RIMS2: variants seen among roughly 807,000 people sequenced by gnomAD.
The protein encoded by RIMS2 is regulating synaptic membrane exocytosis protein 2.
A neutral mutation model predicts 174.4 loss-of-function variants in RIMS2; 59 were observed. The observed-to-expected ratio is 0.34, with a 90% CI of 0.27 to 0.42. The LOEUF (loss-of-function observed/expected upper bound fraction) is 0.42, where lower values mean the gene tolerates loss of function less well. Ranked by LOEUF, RIMS2 falls within the 10% of genes least tolerant of loss-of-function variation. The pLI, the probability that RIMS2 is intolerant of heterozygous loss-of-function variation, is 1.00. For synonymous variants in RIMS2, 606 were observed against 572.5 expected (o/e 1.06, Z -0.84); for missense variants, 1,620 against 1,666.3 (o/e 0.97, Z 0.48).
chr8:104,026,711 T>G (rs1156382037), intron 19 of RIMS2, among the ~76,000 whole-genome samples: 1 of 152,172 alleles, frequency 6.6e-6, no homozygotes, highest in African/African-American at 2.4e-5. Flanking sequence ...GTGATAGTTA[T>G]TTTGACAGTC....
intron 1 of RIMS2, among the ~76,000 whole-genome samples, chr8:103,663,311 AAGGGTATTC>A (rs1414450719): frequency 3.3e-5 from 5 of 152,214 alleles, no homozygotes; most frequent in Non-Finnish European, 7.3e-5. Context: ...AATAGAAATA[AAGGGTATTC>A]AGTTAGGAAA....
At chr8:103,660,485 T>C (rs2096585476) in intron 1 of RIMS2, among the ~76,000 whole-genome samples, 2 of 152,202 alleles carry the variant, frequency 1.3e-5, no homozygotes, top group South Asian at 4.1e-4. Context: ...CCTCAGGGCC[T>C]CAGCCAGCCC....
chr8:103,850,348 A>G (rs1032222973), intron 3 of RIMS2, among the ~76,000 whole-genome samples: 2 of 152,042 alleles, frequency 1.3e-5, no homozygotes, highest in African/African-American at 4.8e-5. Flanking sequence ...AAAATATAAT[A>G]TATACTTGGT....
At chr8:103,544,401 C>T (rs1291043190) in intron 1 of RIMS2, among the ~76,000 whole-genome samples, 2 of 152,164 alleles carry the variant, frequency 1.3e-5, no homozygotes, top group East Asian at 1.9e-4. Context: ...GCCCCACCCA[C>T]CTCCACTGCT....
At chr8:104,025,392 G>A (rs1463664874) in intron 19 of RIMS2, among the ~76,000 whole-genome samples, 1 of 152,074 alleles carries the variant, frequency 6.6e-6, no homozygotes, top group Non-Finnish European at 1.5e-5. Flanking sequence ...GGAGCTTGAG[G>A]CAGGAAGATC....
Position 103,761,884 on chromosome 8 carries a change from C to G in RIMS2, c.388-4343C>G, listed in dbSNP as rs927798171. ...GGATCATAGGAGCTTGGCCTATGGT[C>G]TCGTTAGTGTAAGTCTTTAAACTAT... is the stretch of plus-strand genomic sequence containing the variant. On this transcript the variant is annotated intron_variant, in intron 2 of 23. Transcript: ENST00000504942. 1.3e-4 allele frequency among the ~76,000 whole-genome samples: 20 copies of G among 152,114 alleles called. No individual in the cohort carries two copies. The East Asian group carries it at 3.7e-3, about 28-fold the overall frequency.
At chr8:104,187,079 A>G (rs1368032523) in intron 19 of RIMS2, among the ~76,000 whole-genome samples, 1 of 151,824 alleles carries the variant, frequency 6.6e-6, no homozygotes, top group Non-Finnish European at 1.5e-5. Flanking sequence ...TCAAATCTCA[A>G]GTTATATGAT....
At position 103,583,602 on chromosome 8, in the gene RIMS2, TAAAAAGAATC is replaced by T. The variant is rs2093737906; in HGVS notation, c.176+82543_176+82552del. On this transcript the variant is annotated intron_variant, in intron 1 of 23. Transcript: ENST00000504942. ...TAAATTTAACAGAGATTGCAATAAT[TAAAAAGAATC>T]AAGACTCTGAAGAATGTAACAGAGT... is the stretch of plus-strand genomic sequence containing the variant. Among the ~76,000 whole-genome samples the T allele has an allele frequency of 3.9e-5, 6 of 152,186 alleles. No individual in the cohort carries two copies. The South Asian group carries it at 1.2e-3, about 32-fold the overall frequency.
chr8:104,191,100 T>C (rs538924033), intron 19 of RIMS2, among the ~76,000 whole-genome samples: 13 of 152,214 alleles, frequency 8.5e-5, no homozygotes, highest in African/African-American at 2.9e-4. Flanking sequence ...GTCTCTCTTT[T>C]AGCAGGATCT....
chr8:103,856,197 A>G (rs1209607270), intron 3 of RIMS2, among the ~76,000 whole-genome samples: 16 of 152,034 alleles, frequency 1.1e-4, no homozygotes, highest in Admixed American at 1.0e-3. Context: ...GTTATCTGAT[A>G]TAGGATAGCA....
chr8:104,052,422 G>A (rs1183427332), intron 19 of RIMS2, among the ~76,000 whole-genome samples: 1 of 152,120 alleles, frequency 6.6e-6, no homozygotes, highest in East Asian at 1.9e-4. Flanking sequence ...GCATGGTCAT[G>A]GGTGGGGTTA....
At chr8:104,223,669 G>A (rs2099167517) in intron 19 of RIMS2, 1 of 1,589,508 alleles carries the variant, frequency 6.3e-7, no homozygotes, top group Non-Finnish European at 8.5e-7. Context: ...GGCAGGGCTT[G>A]GGGGGTGCCA....
At chr8:103,808,717 C>G (rs2098666981) in intron 3 of RIMS2, among the ~76,000 whole-genome samples, 1 of 152,140 alleles carries the variant, frequency 6.6e-6, no homozygotes, top group Admixed American at 6.6e-5. Context: ...TTGACTGTGA[C>G]CAATCAACGA....
intron 19 of RIMS2, among the ~76,000 whole-genome samples, chr8:104,171,981 CTTG>C (rs1246407930): frequency 6.6e-6 from 1 of 152,048 alleles, no homozygotes; most frequent in Non-Finnish European, 1.5e-5. Context: ...TAGTTTGGTA[CTTG>C]TTGTGTGGGC....
chr8:103,933,567 C>T (rs1302885770), intron 12 of RIMS2, among the ~76,000 whole-genome samples: 1 of 152,096 alleles, frequency 6.6e-6, no homozygotes, highest in Admixed American at 6.5e-5. Context: ...TATTTTTTAT[C>T]TTTTGTCAAC....
intron 1 of RIMS2, among the ~76,000 whole-genome samples, chr8:103,655,603 A>G (rs779148860): frequency 1.3e-5 from 2 of 152,152 alleles, no homozygotes; most frequent in Non-Finnish European, 2.9e-5. Context: ...CTAAAATTTG[A>G]ATTATTGGAA....
chr8:104,213,231 G>A (rs916046752), intron 19 of RIMS2, among the ~76,000 whole-genome samples: 9 of 152,026 alleles, frequency 5.9e-5, no homozygotes, highest in African/African-American at 1.7e-4. Flanking sequence ...AGAATTGCCC[G>A]AACTGGAAGG....
chr8:103,889,232 AT>A (rs2099226773), intron 4 of RIMS2, among the ~76,000 whole-genome samples: 2 of 151,756 alleles, frequency 1.3e-5, no homozygotes, highest in Admixed American at 1.3e-4. Context: ...TTGTTAGTGA[AT>A]TTTAAACATG....
At chr8:103,794,703 C>A (rs1206146540) in intron 3 of RIMS2, among the ~76,000 whole-genome samples, 1 of 152,138 alleles carries the variant, frequency 6.6e-6, no homozygotes, top group Non-Finnish European at 1.5e-5. Flanking sequence ...GGGCTAATAT[C>A]CAGAATCTAC....
Sources: allele counts gnomAD v4.1 joint callset (sites outside exome capture counted in the v4.1 genomes callset), GRCh38; gene constraint gnomAD v4.1.1; transcripts MANE v1.5; gene names NCBI Gene and HGNC (gene_info 2026-07-23, HGNC 2026-07-21).